The following B3GNT6 variants were observed in gnomAD, a reference collection of about 807,000 sequenced individuals.
The protein encoded by B3GNT6 is UDP-GlcNAc:betaGal beta-1,3-N-acetylglucosaminyltransferase 6, also known as acetylgalactosaminyl-O-glycosyl-glycoprotein beta-1,3-N-acetylglucosaminyltransferase.
For missense variants in B3GNT6, 624 were observed against 568.6 expected, an observed-to-expected ratio of 1.10 and a Z score of -0.99; for synonymous variants, 300 against 270.0, an observed-to-expected ratio of 1.11 and a Z score of -1.09.
Position 77,041,137 on chromosome 11 carries a change from C to T in B3GNT6, c.*431C>T, listed in dbSNP as rs1591092244. Reference sequence around the variant, plus strand: ...AGGATCAGCGCCCCCTGCCATGTGCCTACAAATGTCAGTTGTGATTTCCAC... The same window carrying T: ...AGGATCAGCGCCCCCTGCCATGTGCTTACAAATGTCAGTTGTGATTTCCAC... On this transcript the variant is annotated 3_prime_UTR_variant, in exon 2 of 2. Coordinates refer to ENST00000622824, the MANE Select transcript of B3GNT6 (RefSeq NM_138706.5). The T allele has an allele frequency of 5.8e-6, 1 of 173,692 alleles. No homozygotes were observed. The highest frequency in any genetic ancestry group is 1.6e-4 in the East Asian group (1 of 6,126). 10.8% of individuals were successfully genotyped at this position (173,692 alleles called of 1,614,324 possible). A position where few individuals can be genotyped will look rare whatever the true frequency, so the allele number is the denominator to read the frequency against.
chr11:77,040,836 C>T lies in B3GNT6; in HGVS notation c.*130C>T. ...AACCCCAGCTGCGCACTGAAATCAG[C>T]TGGGGTGGGGGGTGTGGAAAATGCC... On this transcript the variant is annotated 3_prime_UTR_variant, in exon 2 of 2. Transcript: ENST00000622824. 7.3e-7 allele frequency: 1 copy of T among 1,368,368 alleles called. No homozygotes were observed. The highest frequency in any genetic ancestry group is 9.5e-7 in the Non-Finnish European group (1 of 1,052,984). The allele number at this position is 1,368,368 out of a possible 1,614,324, so 84.8% of individuals were successfully genotyped here. A position where few individuals can be genotyped will look rare whatever the true frequency, so the allele number is the denominator to read the frequency against.
In B3GNT6 at chr11:77,040,586, C is replaced by G. The variant is rs564286495; in HGVS notation, c.1035C>G (p.Asp345Glu). Residue 345 changes from aspartate to glutamate, a missense_variant, in exon 2 of 2, where the codon GAC becomes GAG. Physicochemically the swap from Asp to Glu is conservative, Grantham distance 45. Coordinates refer to ENST00000622824, the MANE Select transcript of B3GNT6 (RefSeq NM_138706.5). ...CTGGCGCACAGCAGTCCTCCTTCGA[C>G]CCCTGCATGTACCGCGAGTTGCTGC... The part of the protein sequence containing the change: ...QLPGAQQSSF[D>E]PCMYRELLLV... 1 of 1,594,068 alleles carries G rather than the reference C, an allele frequency of 6.3e-7. No homozygotes were observed. The highest frequency in any genetic ancestry group is 2.2e-5 in the East Asian group (1 of 44,490).
rs368050760 is a variant in B3GNT6 at position 77,040,472 on chromosome 11, C to T, written c.921C>T (p.Ile307=). The T allele has an allele frequency of 2.6e-6, 4 of 1,536,996 alleles. No individual in the cohort carries two copies. Among genetic ancestry groups the T allele is most frequent in the Non-Finnish European group, 2.6e-6 (3 of 1,146,876 alleles). ...CCCGCCACACCCCGCTCTTCCCCAT[C>T]GACGACGCCTACATGGGCATGTGTC... The part of the protein sequence containing the change: ...AAARHTPLFP[I]DDAYMGMCLE... The change falls in exon 2 of 2, where the codon ATC becomes ATT. Residue 307 remains isoleucine, a synonymous_variant. Coordinates refer to ENST00000622824, the MANE Select transcript of B3GNT6 (RefSeq NM_138706.5).
chr11:77,040,759 G>A lies in B3GNT6; in HGVS notation c.*53G>A. On this transcript the variant is annotated 3_prime_UTR_variant, in exon 2 of 2. Coordinates refer to ENST00000622824, the MANE Select transcript of B3GNT6 (RefSeq NM_138706.5). ...CCTCCAACCATGTCCATGCTGAGAAGGCAGCTTTCCCGCTCTGGGTACCTT... is the reference window on the plus strand; with the variant it reads ...CCTCCAACCATGTCCATGCTGAGAAAGCAGCTTTCCCGCTCTGGGTACCTT... 1.3e-6 allele frequency: 2 copies of A among 1,504,934 alleles called. No individual in the cohort carries two copies. Among genetic ancestry groups the A allele is most frequent in the Middle Eastern group, 2.3e-4 (1 of 4,264 alleles). 93.2% of individuals were successfully genotyped at this position (1,504,934 alleles called of 1,614,324 possible). A position where few individuals can be genotyped will look rare whatever the true frequency, so the allele number is the denominator to read the frequency against.
At position 77,039,824 on chromosome 11, in the gene B3GNT6, C is replaced by T. The variant is rs1382991370; in HGVS notation, c.273C>T (p.Asp91=). ...DFEQLPARIQ[D]FLRYRHCRHF... ...AGCAGCTGCCCGCGCGCATCCAGGA[C>T]TTCCTGCGGTACCGCCACTGCCGCC... The change falls in exon 2 of 2, where the codon GAC becomes GAT. Residue 91 remains aspartate (D), a synonymous_variant. Coordinates refer to ENST00000622824, the MANE Select transcript of B3GNT6 (RefSeq NM_138706.5). 2.5e-6 allele frequency: 4 copies of T among 1,575,118 alleles called. No individual in the cohort carries two copies. Among genetic ancestry groups the T allele is most frequent in the Non-Finnish European group, 3.4e-6 (4 of 1,166,948 alleles).
chr11:77,039,856 C>A lies in B3GNT6; in HGVS notation c.305C>A (p.Pro102Gln). The A allele has an allele frequency of 6.3e-7, 1 of 1,586,502 alleles. No individual in the cohort carries two copies. Among genetic ancestry groups the A allele is most frequent in the Admixed American group, 1.7e-5 (1 of 58,192 alleles). ...FLRYRHCRHF[P>Q]LLWDAPAKCA... ...CGGTACCGCCACTGCCGCCACTTCC[C>A]GCTGCTTTGGGACGCACCGGCCAAG... Residue 102 changes from proline to glutamine, a missense_variant, in exon 2 of 2, where the codon CCG becomes CAG. Pro to Gln is a moderately conservative substitution (Grantham distance 76). Coordinates refer to ENST00000622824, the MANE Select transcript of B3GNT6 (RefSeq NM_138706.5).
intron 1 of B3GNT6, among the ~76,000 whole-genome samples, chr11:77,038,102 AGGGAGAGAAGGGAGGATAGAGGAG>A (rs1949652040): frequency 5.2e-5 from 1 of 19,292 alleles, no homozygotes. Context: ...GAGGAGGGGG[AGGGAGAGAAGGGAGGATAGAGGAG>A]GGAGGAGGGG....
In B3GNT6 at chr11:77,040,482, T is replaced by A. The variant is rs1357542080; in HGVS notation, c.931T>A (p.Tyr311Asn). The part of the protein sequence containing the change: ...HTPLFPIDDA[Y>N]MGMCLERAGL... ...CCCGCTCTTCCCCATCGACGACGCC[T>A]ACATGGGCATGTGTCTGGAGCGCGC... The change falls in exon 2 of 2, where the codon TAC (tyrosine) becomes AAC (asparagine). Residue 311 changes from tyrosine to asparagine, a missense_variant. Transcript: ENST00000622824. 7 of 1,539,150 alleles carry A rather than the reference T, an allele frequency of 4.5e-6. No individual in the cohort carries two copies. In the East Asian group the frequency reaches 1.7e-4, roughly 38 times the overall value.
At chr11:77,036,201 C>T (rs182790454) in intron 1 of B3GNT6, among the ~76,000 whole-genome samples, 17 of 152,242 alleles carry the variant, frequency 1.1e-4, no homozygotes, top group African/African-American at 3.4e-4. Context: ...CACAGGACTG[C>T]GCACTGAGTA....
In B3GNT6 at chr11:77,040,992, A is replaced by T; in HGVS notation, c.*286A>T. On this transcript the variant is annotated 3_prime_UTR_variant, in exon 2 of 2. Transcript: ENST00000622824. ...GGCCTGAGGACCACTCGGCTAGACT[A>T]TCTCTTCATCCTCGCAAAGCCAGCT... is the stretch of plus-strand genomic sequence containing the variant. 1 of 402,600 alleles carries T rather than the reference A, an allele frequency of 2.5e-6. No individual in the cohort carries two copies. The highest frequency in any genetic ancestry group is 4.3e-6 in the Non-Finnish European group (1 of 233,242). The allele number at this position is 402,600 out of a possible 1,614,324, so 24.9% of individuals were successfully genotyped here.
rs1278250643 is a variant in B3GNT6 at position 77,041,478 on chromosome 11, C to G, written c.*772C>G. 2 of 152,494 alleles carry G rather than the reference C, an allele frequency of 1.3e-5. No individual in the cohort carries two copies. The highest frequency in any genetic ancestry group is 2.9e-5 in the Non-Finnish European group (2 of 68,244). The allele number at this position is 152,494 out of a possible 1,614,324, so 9.4% of individuals were successfully genotyped here. A position where few individuals can be genotyped will look rare whatever the true frequency, so the allele number is the denominator to read the frequency against. On this transcript the variant is annotated 3_prime_UTR_variant, in exon 2 of 2. Transcript: ENST00000622824. ...AATAATCACCCCCACGGGTCAGAGACAGGCTCCTTGCCGGGGTCTGGGCCT... is the reference window on the plus strand; with the variant it reads ...AATAATCACCCCCACGGGTCAGAGAGAGGCTCCTTGCCGGGGTCTGGGCCT...
At chr11:77,039,139 G>A (rs1366839961) in intron 1 of B3GNT6, among the ~76,000 whole-genome samples, 6 of 152,166 alleles carry the variant, frequency 3.9e-5, no homozygotes, top group Admixed American at 6.5e-5. Context: ...GGGATGTAGG[G>A]CGCAGAATCA....
At chr11:77,039,116 G>A (rs888663127) in intron 1 of B3GNT6, among the ~76,000 whole-genome samples, 5 of 152,166 alleles carry the variant, frequency 3.3e-5, no homozygotes, top group South Asian at 2.1e-4. Flanking sequence ...CGGAGAGGAG[G>A]GAATAAATGA....
chr11:77,037,682 G>A (rs1270812515), intron 1 of B3GNT6, among the ~76,000 whole-genome samples: 17 of 151,492 alleles, frequency 1.1e-4, no homozygotes, highest in African/African-American at 3.9e-4. Flanking sequence ...AAGCCAAGGC[G>A]GGAGGATCAC....
chr11:77,039,809 C>T lies in B3GNT6; in HGVS notation c.258C>T (p.Pro86=), dbSNP rs377520250. ...ANATADFEQL[P]ARIQDFLRYR... ...CCACGGCCGACTTCGAGCAGCTGCC[C>T]GCGCGCATCCAGGACTTCCTGCGGT... The change falls in exon 2 of 2, where the codon CCC becomes CCT. Residue 86 remains proline (P), a synonymous_variant. Coordinates refer to ENST00000622824, the MANE Select transcript of B3GNT6 (RefSeq NM_138706.5). 3.2e-6 allele frequency: 5 copies of T among 1,575,746 alleles called. No individual in the cohort carries two copies. In the South Asian group the frequency reaches 3.4e-5, roughly 11 times the overall value.
At position 77,041,501 on chromosome 11, in the gene B3GNT6, C is replaced by T. The variant is rs1465020687; in HGVS notation, c.*795C>T. ...GACAGGCTCCTTGCCGGGGTCTGGGCCTCAGGCTCAGTGGGCCTTGGACAA... is the reference window on the plus strand; with the variant it reads ...GACAGGCTCCTTGCCGGGGTCTGGGTCTCAGGCTCAGTGGGCCTTGGACAA... On this transcript the variant is annotated 3_prime_UTR_variant, in exon 2 of 2. Transcript: ENST00000622824. The T allele has an allele frequency of 6.6e-6, 1 of 152,500 alleles. No homozygotes were observed. The highest frequency in any genetic ancestry group is 1.5e-5 in the Non-Finnish European group (1 of 68,256). 9.4% of individuals were successfully genotyped at this position (152,500 alleles called of 1,614,324 possible).
Position 77,037,962 on chromosome 11 carries a change from AGG to A in B3GNT6, c.1-1589_1-1588del, listed in dbSNP as rs1949645706. Among the ~76,000 whole-genome samples the A allele has an allele frequency of 3.3e-4, 3 of 9,170 alleles. No individual in the cohort carries two copies. In the African/African-American group the frequency reaches 4.1e-3, roughly 13 times the overall value. The allele number at this position is 9,170 out of a possible 152,430, so 6.0% of individuals were successfully genotyped here. ...AAGAAAGAAGAAGAAGAAGAAGAAG[AGG>A]AGGGGGGAAGGGGAGGGGGAAGAGG... On this transcript the variant is annotated intron_variant, in intron 1 of 1. Transcript: ENST00000622824.
chr11:77,034,722 T>C (rs1201638234), intron 1 of B3GNT6, among the ~76,000 whole-genome samples: 4 of 152,188 alleles, frequency 2.6e-5, no homozygotes, highest in African/African-American at 4.8e-5. Flanking sequence ...GCTATATGAA[T>C]ATTCTGCTAT....
At position 77,040,428 on chromosome 11, in the gene B3GNT6, C is replaced by G. The variant is rs1213720736; in HGVS notation, c.877C>G (p.Arg293Gly). The change falls in exon 2 of 2, where the codon CGG (arginine) becomes GGG (glycine). Residue 293 changes from arginine (R) to glycine (G), a missense_variant. Transcript: ENST00000622824. ...CTTCCTCCTGTCCGGCCCCACGGCCCGGGCCCTGCGCGCGGCCGCCCGCCA... is the reference window on the plus strand; with the variant it reads ...CTTCCTCCTGTCCGGCCCCACGGCCGGGGCCCTGCGCGCGGCCGCCCGCCA... ...GGFLLSGPTARALRAAARHTP... is the reference protein window; with the variant it reads ...GGFLLSGPTAGALRAAARHTP... 3.3e-6 allele frequency: 5 copies of G among 1,529,418 alleles called. No homozygotes were observed. The highest frequency in any genetic ancestry group is 4.4e-6 in the Non-Finnish European group (5 of 1,144,096). The allele number at this position is 1,529,418 out of a possible 1,614,324, so 94.7% of individuals were successfully genotyped here.
Sources: allele counts gnomAD v4.1 joint callset (sites outside exome capture counted in the v4.1 genomes callset), GRCh38; gene constraint gnomAD v4.1.1; transcripts MANE v1.5; gene names NCBI Gene and HGNC (gene_info 2026-07-23, HGNC 2026-07-21).